The following LRP1B variants were observed in gnomAD, a reference collection of about 807,000 sequenced individuals.
LRP1B encodes LDL receptor related protein 1B.
In LRP1B, 217 loss-of-function variants were observed where a neutral mutation model predicts 556.6. The ratio of observed to expected loss-of-function variants is 0.39; its 90% confidence interval spans 0.35 to 0.44. The LOEUF is 0.44. Ranked by LOEUF, LRP1B falls within the 20% of genes least tolerant of loss-of-function variation. LRP1B has a pLI of 1.00. For missense variants in LRP1B, 5,053 were observed against 5,620.8 expected, an observed-to-expected ratio of 0.90 and a Z score of 3.23; for synonymous variants, 2,047 against 1,865.8, an observed-to-expected ratio of 1.10 and a Z score of -2.50.
chr2:140,702,629 C>T (rs373302691), intron 37 of LRP1B, 76 bp from the exon 38 acceptor site: 11 of 1,325,318 alleles, frequency 8.3e-6, no homozygotes, highest in African/African-American at 4.4e-5. Flanking sequence ...AAAGACATTA[C>T]TAATAACAGC....
intron 21 of LRP1B, 121 bp from the exon 22 acceptor site, chr2:140,908,198 T>C (rs1233306883): frequency 2.9e-6 from 2 of 699,262 alleles, no homozygotes; most frequent in Non-Finnish European, 4.9e-6. Flanking sequence ...GAAAACAAAA[T>C]CTATTTGCTT....
chr2:140,699,207 C>T (rs1376019410), intron 41 of LRP1B, among the ~76,000 whole-genome samples: 1 of 151,962 alleles, frequency 6.6e-6, no homozygotes, highest in African/African-American at 2.4e-5. Flanking sequence ...AATAAACTAG[C>T]TTACCTTTAG....
chr2:140,691,473 G>A (rs1197988245), intron 41 of LRP1B, among the ~76,000 whole-genome samples: 50 of 127,574 alleles, frequency 3.9e-4, no homozygotes, highest in African/African-American at 1.4e-3. Flanking sequence ...GGCAACGAGA[G>A]CAAAAACTCC....
chr2:141,106,890 T>C (rs1205996670), intron 7 of LRP1B, among the ~76,000 whole-genome samples: 1 of 152,186 alleles, frequency 6.6e-6, no homozygotes, highest in Non-Finnish European at 1.5e-5. Flanking sequence ...GTGATATTTA[T>C]TACATGAGAA....
chr2:140,261,438 TGTTA>T (rs1411458284), intron 86 of LRP1B, among the ~76,000 whole-genome samples: 1 of 151,860 alleles, frequency 6.6e-6, no homozygotes, highest in Non-Finnish European at 1.5e-5. Context: ...TAATTCTTAG[TGTTA>T]GTTTCAGAAA....
chr2:140,553,981 G>A (rs971143194), intron 43 of LRP1B, among the ~76,000 whole-genome samples: 1 of 152,012 alleles, frequency 6.6e-6, no homozygotes, highest in Non-Finnish European at 1.5e-5. Flanking sequence ...TTTCTATGGG[G>A]AAGCCCCTGG....
At chr2:141,324,363 C>G (rs571892869) in intron 3 of LRP1B, among the ~76,000 whole-genome samples, 57 of 152,098 alleles carry the variant, frequency 3.7e-4, no homozygotes, top group Non-Finnish European at 5.7e-4. Flanking sequence ...CATGCGAACA[C>G]TGGTTTTCTT....
chr2:140,816,034 A>C (rs1478853789), intron 31 of LRP1B, among the ~76,000 whole-genome samples: 1 of 152,180 alleles, frequency 6.6e-6, no homozygotes, highest in East Asian at 1.9e-4. Flanking sequence ...TAAATGGCAG[A>C]CTATTTAGTT....
chr2:141,135,592 C>T (rs1024373165), intron 7 of LRP1B, among the ~76,000 whole-genome samples: 10 of 151,904 alleles, frequency 6.6e-5, no homozygotes, highest in Non-Finnish European at 1.5e-4. Flanking sequence ...CCTCATTGAG[C>T]GATCTAGTTT....
In LRP1B at chr2:141,323,982, C is replaced by G. The variant is rs1471696651; in HGVS notation, c.344-69341G>C. Among the ~76,000 whole-genome samples the G allele has an allele frequency of 4.5e-4, 43 of 95,186 alleles. 1 individual carries two copies. Among genetic ancestry groups the G allele is most frequent in the African/African-American group, 1.5e-3 (34 of 23,210 alleles). The allele number at this position is 95,186 out of a possible 152,430, so 62.4% of individuals were successfully genotyped here. The stretch of plus-strand genomic sequence containing the variant: ...CACACACATACATGTACTCACATAC[C>G]TGAGCAAGGAAATCACACACACACA... On this transcript the variant is annotated intron_variant, in intron 3 of 90. Transcript: ENST00000389484.
At chr2:141,766,893 C>A (rs925106305) in intron 2 of LRP1B, among the ~76,000 whole-genome samples, 2 of 152,162 alleles carry the variant, frequency 1.3e-5, no homozygotes, top group Non-Finnish European at 2.9e-5. Flanking sequence ...CCTGTCCAAC[C>A]TATCCCAATT....
chr2:141,570,341 C>T (rs1460967854), intron 2 of LRP1B, among the ~76,000 whole-genome samples: 1 of 150,848 alleles, frequency 6.6e-6, no homozygotes. Context: ...ACTCCCCTAG[C>T]CAAGGGAGGC....
intron 35 of LRP1B, among the ~76,000 whole-genome samples, chr2:140,742,956 C>A (rs1386490840): frequency 6.6e-6 from 1 of 151,984 alleles, no homozygotes; most frequent in East Asian, 1.9e-4. Flanking sequence ...TCCAGCATTA[C>A]CACTGGGGGA....
intron 1 of LRP1B, among the ~76,000 whole-genome samples, chr2:141,839,634 A>G (rs1398722537): frequency 6.6e-6 from 1 of 152,162 alleles, no homozygotes; most frequent in African/African-American, 2.4e-5. Flanking sequence ...ATACTGAGAC[A>G]CTTGAAGTGC....
At chr2:141,096,622 GA>G (rs1558858042) in intron 7 of LRP1B, among the ~76,000 whole-genome samples, 17 of 39,318 alleles carry the variant, frequency 4.3e-4, no homozygotes, top group African/African-American at 1.3e-3. Flanking sequence ...CAAAGACGGG[GA>G]GAGGGGGAGA....
intron 2 of LRP1B, among the ~76,000 whole-genome samples, chr2:141,762,733 T>C (rs2105597779): frequency 6.6e-6 from 1 of 152,296 alleles, no homozygotes; most frequent in East Asian, 1.9e-4. Context: ...AGAAGGGTCA[T>C]TACTTGCGTG....
intron 35 of LRP1B, among the ~76,000 whole-genome samples, chr2:140,718,894 T>C (rs2105469506): frequency 6.6e-6 from 1 of 152,158 alleles, no homozygotes; most frequent in South Asian, 2.1e-4. Context: ...TTCCCCAAGA[T>C]ATCTCAGCTG....
chr2:141,308,791 C>T (rs986383955), intron 3 of LRP1B, among the ~76,000 whole-genome samples: 16 of 152,076 alleles, frequency 1.1e-4, no homozygotes, highest in Non-Finnish European at 1.9e-4. Context: ...TAATTACCAT[C>T]ATCCCATATA....
chr2:141,923,474 G>T (rs1700249242), intron 1 of LRP1B, among the ~76,000 whole-genome samples: 1 of 123,738 alleles, frequency 8.1e-6, no homozygotes, highest in South Asian at 2.6e-4. Flanking sequence ...GTGTGTGTGT[G>T]TGTGTGTGTG....
Sources: gnomAD v4.1 joint callset for allele counts (sites outside exome capture counted in the v4.1 genomes callset) on GRCh38, gnomAD v4.1.1 for gene constraint, MANE v1.5 for transcripts, NCBI Gene and HGNC (gene_info 2026-07-23, HGNC 2026-07-21) for gene names.